The following DPP10 variants were observed in gnomAD, a reference collection of about 807,000 sequenced individuals.
DPP10 encodes dipeptidyl peptidase like 10.
Under a neutral mutation model 120.9 loss-of-function variants are expected in DPP10, and 33 were observed. The observed-to-expected ratio is 0.27, with a 90% CI of 0.21 to 0.37. The LOEUF (loss-of-function observed/expected upper bound fraction) is 0.37. Ranked by LOEUF, DPP10 falls within the 10% of genes least tolerant of loss-of-function variation. The probability of loss-of-function intolerance (pLI) is 1.00; values close to 1 mark genes in which losing one functional copy is unlikely to be tolerated. For missense variants in DPP10, 816 were observed against 942.8 expected (o/e 0.87, Z 1.76); for synonymous variants, 337 against 326.1 (o/e 1.03, Z -0.36).
At chr2:115,447,981 G>A (rs182987894) in intron 3 of DPP10, among the ~76,000 whole-genome samples, 2 of 152,310 alleles carry the variant, frequency 1.3e-5, no homozygotes, top group East Asian at 3.9e-4. Flanking sequence ...AATTTTAGAA[G>A]GATATGTTTC....
intron 5 of DPP10, among the ~76,000 whole-genome samples, chr2:115,660,938 G>A (rs1329104082): frequency 6.6e-6 from 1 of 150,560 alleles, no homozygotes; most frequent in East Asian, 2.0e-4. Context: ...AAGTAAATGT[G>A]CAACCAGTTA....
intron 7 of DPP10, among the ~76,000 whole-genome samples, chr2:115,703,808 C>T (rs2091988545): frequency 1.3e-5 from 2 of 152,024 alleles, no homozygotes; most frequent in Admixed American, 6.6e-5. Flanking sequence ...TTAACCATCA[C>T]AGTAGGTATG....
chr2:115,060,122 G>A (rs1706280655), intron 1 of DPP10, among the ~76,000 whole-genome samples: 1 of 151,604 alleles, frequency 6.6e-6, no homozygotes, highest in African/African-American at 2.4e-5. Flanking sequence ...TTATAGTTTA[G>A]TGCAGTGCCA....
At chr2:115,457,207 A>G (rs769529264) in intron 3 of DPP10, among the ~76,000 whole-genome samples, 6 of 152,084 alleles carry the variant, frequency 3.9e-5, no homozygotes, top group Non-Finnish European at 7.4e-5. Context: ...GGAAAATTAT[A>G]TATCCACTTG....
chr2:115,840,619 C>G, intron 24 of DPP10, 131 bp from the exon 25 acceptor site: 1 of 922,954 alleles, frequency 1.1e-6, no homozygotes, highest in South Asian at 1.7e-5. Context: ...CCACCGTGCC[C>G]AGCCAGATAT....
chr2:115,706,489 T>A (rs2092111532), intron 7 of DPP10, among the ~76,000 whole-genome samples: 1 of 151,952 alleles, frequency 6.6e-6, no homozygotes, highest in Admixed American at 6.6e-5. Context: ...TAATCTAATA[T>A]ACACAATGTA....
chr2:115,242,029 T>C (rs1254171465), intron 1 of DPP10, among the ~76,000 whole-genome samples: 1 of 152,172 alleles, frequency 6.6e-6, no homozygotes, highest in Non-Finnish European at 1.5e-5. Flanking sequence ...TATAGGTTTT[T>C]GGGGGCAGGT....
chr2:115,626,586 A>T (rs2085379873), intron 5 of DPP10, among the ~76,000 whole-genome samples: 1 of 152,130 alleles, frequency 6.6e-6, no homozygotes, highest in South Asian at 2.1e-4. Context: ...TCATTCTCAC[A>T]TTGTTTTCTG....
At chr2:115,736,990 C>T (rs1232669518) in intron 8 of DPP10, among the ~76,000 whole-genome samples, 4 of 152,232 alleles carry the variant, frequency 2.6e-5, no homozygotes, top group East Asian at 1.9e-4. Context: ...TCTCCTACCA[C>T]GAACAGTGGA....
rs572464190 is a variant in DPP10, at chr2:115,345,642, C to T, written c.271+1730C>T. 3.9e-5 allele frequency among the ~76,000 whole-genome samples: 6 copies of T among 152,196 alleles called. No individual in the cohort carries two copies. In the South Asian group the frequency reaches 1.2e-3, roughly 32 times the overall value. On this transcript the variant is annotated intron_variant, in intron 3 of 25. Coordinates refer to ENST00000410059, the MANE Select transcript of DPP10 (RefSeq NM_020868.6). ...GGAAAACATGAAAAATTATGGGTCT[C>T]ATCTCCCTTCTCAGGTTAGCTTGGA...
chr2:114,882,682 T>TA (rs1691743455), intron 1 of DPP10, among the ~76,000 whole-genome samples: 1 of 151,818 alleles, frequency 6.6e-6, no homozygotes, highest in Non-Finnish European at 1.5e-5. Flanking sequence ...AACAATTAAA[T>TA]AAAAAAATAT....
At chr2:114,497,233 G>A (rs1229199378) in intron 1 of DPP10, among the ~76,000 whole-genome samples, 2 of 146,500 alleles carry the variant, frequency 1.4e-5, no homozygotes, top group South Asian at 2.1e-4. Flanking sequence ...GCATGTACGT[G>A]CGTATACATG....
intron 1 of DPP10, among the ~76,000 whole-genome samples, chr2:114,917,322 A>T (rs1694877870): frequency 1.3e-5 from 2 of 152,206 alleles, no homozygotes. Context: ...TTCAGAGACG[A>T]CATAAACAAA....
At chr2:115,190,658 G>A (rs961984355) in intron 1 of DPP10, among the ~76,000 whole-genome samples, 2 of 152,186 alleles carry the variant, frequency 1.3e-5, no homozygotes, top group African/African-American at 4.8e-5. Flanking sequence ...CAACCTCAGG[G>A]AACAGCAGTG....
intron 1 of DPP10, among the ~76,000 whole-genome samples, chr2:115,045,127 C>T (rs114053915): frequency 1.5e-3 from 231 of 152,316 alleles, no homozygotes; most frequent in African/African-American, 5.1e-3. Context: ...CTTTTGGGTA[C>T]ATACCGAGCA....
intron 5 of DPP10, among the ~76,000 whole-genome samples, chr2:115,562,316 G>A (rs140026803): frequency 2.4e-4 from 36 of 152,052 alleles, no homozygotes; most frequent in African/African-American, 7.7e-4. Flanking sequence ...CCAAATCCAC[G>A]TGGCCTTAAA....
intron 1 of DPP10, among the ~76,000 whole-genome samples, chr2:114,731,824 T>C (rs1401301448): frequency 6.6e-6 from 1 of 152,098 alleles, no homozygotes; most frequent in Non-Finnish European, 1.5e-5. Flanking sequence ...GGATTTCTAA[T>C]TGGTGGACTT....
chr2:115,405,056 A>G (rs76408049), intron 3 of DPP10, among the ~76,000 whole-genome samples: 1,749 of 152,314 alleles, frequency 0.011, 35 homozygotes, highest in African/African-American at 0.041. Flanking sequence ...CCATTTCAAT[A>G]GTACCCAAAT....
intron 1 of DPP10, among the ~76,000 whole-genome samples, chr2:115,270,690 T>C (rs745607215): frequency 4.6e-5 from 7 of 152,168 alleles, no homozygotes; most frequent in Non-Finnish European, 8.8e-5. Context: ...CTAAAGTAGA[T>C]GCTGAGGCAG....
Sources: gnomAD v4.1 joint callset for allele counts (sites outside exome capture counted in the v4.1 genomes callset) on GRCh38, gnomAD v4.1.1 for gene constraint, MANE v1.5 for transcripts, NCBI Gene and HGNC (gene_info 2026-07-23, HGNC 2026-07-21) for gene names.